The following PRKAR1B variants were observed in gnomAD, a reference collection of about 807,000 sequenced individuals.
PRKAR1B encodes the protein protein kinase cAMP-dependent type I regulatory subunit beta.
A neutral mutation model predicts 46.5 loss-of-function variants in PRKAR1B; 22 were observed. That is an observed-to-expected ratio of 0.47 (90% CI 0.34 to 0.68). The LOEUF (loss-of-function observed/expected upper bound fraction) is 0.68, where lower values mean the gene tolerates loss of function less well. Ranked by LOEUF, PRKAR1B falls within the 30% of genes least tolerant of loss-of-function variation. The pLI is 0.01. For synonymous variants in PRKAR1B, 259 were observed against 217.7 expected (o/e 1.19, Z -1.67); for missense variants, 445 against 535.6 (o/e 0.83, Z 1.67).
intron 4 of PRKAR1B, among the ~76,000 whole-genome samples, chr7:642,283 A>G (rs1784428398): frequency 6.6e-6 from 1 of 152,212 alleles, no homozygotes; most frequent in Non-Finnish European, 1.5e-5. Context: ...AACAGGCACA[A>G]GGGAACTTTC....
chr7:605,764 C>G (rs1005342268), intron 6 of PRKAR1B, among the ~76,000 whole-genome samples: 1 of 152,106 alleles, frequency 6.6e-6, no homozygotes, highest in Non-Finnish European at 1.5e-5. Context: ...GTTGTTTGAT[C>G]GTGAAGTCGT....
intron 1 of PRKAR1B, among the ~76,000 whole-genome samples, chr7:722,930 C>T (rs554000720): frequency 6.6e-6 from 1 of 152,316 alleles, no homozygotes; most frequent in South Asian, 2.1e-4. Flanking sequence ...GTCATTCCAA[C>T]AGCAGTTTCG....
intron 4 of PRKAR1B, among the ~76,000 whole-genome samples, chr7:615,914 G>GAGAGAAAT (rs1428869617): frequency 1.4e-5 from 2 of 148,060 alleles, no homozygotes; most frequent in Non-Finnish European, 3.0e-5. Context: ...AAGAGAGAAA[G>GAGAGAAAT]AGAGAAAAAA....
intron 2 of PRKAR1B, among the ~76,000 whole-genome samples, chr7:701,952 A>C (rs1780086343): frequency 6.6e-6 from 1 of 152,240 alleles, no homozygotes; most frequent in East Asian, 1.9e-4. Context: ...GAAATGGGAA[A>C]TACCCAGGTA....
chr7:636,469 A>G (rs1051121328), intron 4 of PRKAR1B, among the ~76,000 whole-genome samples: 4 of 150,544 alleles, frequency 2.7e-5, no homozygotes, highest in Non-Finnish European at 3.0e-5. Flanking sequence ...GACTGTGCCC[A>G]CTGTGCCCAC....
At chr7:578,682 C>CTT (rs67281859) in intron 9 of PRKAR1B, 13 of 142,060 alleles carry the variant, frequency 9.2e-5, no homozygotes, top group South Asian at 2.0e-4. Context: ...TTTTATTTTA[C>CTT]TTTTTTTTTT....
At chr7:592,691 G>A (rs1360183578) in intron 7 of PRKAR1B, among the ~76,000 whole-genome samples, 1 of 152,186 alleles carries the variant, frequency 6.6e-6, no homozygotes. Flanking sequence ...TGAGGTCCTG[G>A]GTAAGGATCA....
intron 2 of PRKAR1B, among the ~76,000 whole-genome samples, chr7:686,082 C>T (rs1418793079): frequency 3.3e-5 from 5 of 151,974 alleles, no homozygotes; most frequent in African/African-American, 7.2e-5. Flanking sequence ...GGGCGGATCA[C>T]GAGGTCAGGA....
chr7:558,718 C>G (rs1458767587), intron 9 of PRKAR1B, among the ~76,000 whole-genome samples: 2 of 152,050 alleles, frequency 1.3e-5, no homozygotes, highest in Non-Finnish European at 2.9e-5. Context: ...CGCCACTGCA[C>G]TCCAGCCTGG....
chr7:652,552 C>T (rs117553625), intron 4 of PRKAR1B, among the ~76,000 whole-genome samples: 3,539 of 152,220 alleles, frequency 0.023, 66 homozygotes, highest in Middle Eastern at 0.037. Flanking sequence ...TTCATACCCA[C>T]GCAGTGCTAG....
intron 1 of PRKAR1B, among the ~76,000 whole-genome samples, chr7:722,266 T>C (rs991581868): frequency 5.9e-5 from 9 of 152,090 alleles, no homozygotes; most frequent in African/African-American, 7.2e-5. Context: ...CACACCCAGC[T>C]AATTTTTGTA....
At chr7:568,583 C>A (rs1209730536) in intron 9 of PRKAR1B, among the ~76,000 whole-genome samples, 1 of 152,204 alleles carries the variant, frequency 6.6e-6, no homozygotes, top group Non-Finnish European at 1.5e-5. Flanking sequence ...GGGAGCAGAC[C>A]ACCCCCCACA....
chr7:676,973 C>T (rs921069994), intron 4 of PRKAR1B, among the ~76,000 whole-genome samples: 19 of 150,384 alleles, frequency 1.3e-4, no homozygotes, highest in Non-Finnish European at 2.1e-4. Context: ...TGGTGACTCC[C>T]GGGCAAGCAA....
At chr7:675,854 G>A (rs951403003) in intron 4 of PRKAR1B, among the ~76,000 whole-genome samples, 5 of 152,170 alleles carry the variant, frequency 3.3e-5, no homozygotes, top group Non-Finnish European at 4.4e-5. Flanking sequence ...GCTGAGGCAG[G>A]AGAATCGCTT....
chr7:722,174 C>T (rs1013284039), intron 1 of PRKAR1B, among the ~76,000 whole-genome samples: 2 of 140,832 alleles, frequency 1.4e-5, no homozygotes, highest in African/African-American at 5.3e-5. Context: ...GATATTGGCT[C>T]ACTACAACCT....
chr7:613,330 C>A (rs763292759), intron 4 of PRKAR1B, among the ~76,000 whole-genome samples: 1 of 151,166 alleles, frequency 6.6e-6, no homozygotes, highest in African/African-American at 2.4e-5. Context: ...AAAATGAGGC[C>A]GTTCATCATT....
chr7:723,888 G>T (rs1318100928), intron 1 of PRKAR1B, among the ~76,000 whole-genome samples: 5 of 152,192 alleles, frequency 3.3e-5, no homozygotes, highest in African/African-American at 1.2e-4. Context: ...AAACAAATTT[G>T]ATTTCTCAAG....
At position 595,802 on chromosome 7, in the gene PRKAR1B, C is replaced by T. The variant is rs559387535; in HGVS notation, c.708+344G>A. Among the ~76,000 whole-genome samples, 285 of 152,350 alleles carry T rather than the reference C, an allele frequency of 1.9e-3. 1 individual carries two copies. Among genetic ancestry groups the T allele is most frequent in the Non-Finnish European group, 6.6e-4 (45 of 68,034 alleles). The stretch of plus-strand genomic sequence containing the variant: ...CAGCCACCGTGTCGGCAGGGAACCA[C>T]GCTCCTCACACCTCTTTGCTCCATC... On this transcript the variant is annotated intron_variant, in intron 7 of 10. Transcript: ENST00000537384.
intron 2 of PRKAR1B, 105 bp from the exon 3 acceptor site, chr7:680,831 G>A: frequency 1.5e-6 from 2 of 1,346,676 alleles, no homozygotes; most frequent in Non-Finnish European, 2.0e-6. Context: ...ACTAGTGGGA[G>A]GATCGCTTGA....
Sources: gnomAD v4.1 joint callset for allele counts (sites outside exome capture counted in the v4.1 genomes callset) on GRCh38, gnomAD v4.1.1 for gene constraint, MANE v1.5 for transcripts, NCBI Gene and HGNC (gene_info 2026-07-23, HGNC 2026-07-21) for gene names.